The following NRXN3 variants were observed in gnomAD, a reference collection of about 807,000 sequenced individuals.
NRXN3 encodes neurexin III.
NRXN3 carries 32 observed loss-of-function variants against 137.6 expected under a neutral mutation model. The ratio of observed to expected loss-of-function variants is 0.23; its 90% CI spans 0.18 to 0.31. NRXN3 has a LOEUF of 0.31. Among genes scored for constraint, NRXN3 ranks in the 10% least tolerant of loss-of-function variants. The pLI is 1.00. For synonymous variants in NRXN3, 798 were observed against 784.5 expected, an observed-to-expected ratio of 1.02 and a Z score of -0.29; for missense variants, 1,574 against 2,062.5, an observed-to-expected ratio of 0.76 and a Z score of 4.59.
chr14:79,098,953 A>G (rs1261612355), intron 15 of NRXN3, among the ~76,000 whole-genome samples: 1 of 152,188 alleles, frequency 6.6e-6, no homozygotes, highest in Non-Finnish European at 1.5e-5. Flanking sequence ...TTAAAATTGG[A>G]TACATAGTCA....
chr14:79,185,928 G>T (rs1161437314), intron 15 of NRXN3, among the ~76,000 whole-genome samples: 1 of 151,962 alleles, frequency 6.6e-6, no homozygotes, highest in Non-Finnish European at 1.5e-5. Flanking sequence ...ACTTCTCTAG[G>T]TTTTCTAGCT....
intron 19 of NRXN3, among the ~76,000 whole-genome samples, chr14:79,796,444 CTCTCT>C (rs1343138692): frequency 6.6e-6 from 1 of 152,134 alleles, no homozygotes; most frequent in Admixed American, 6.6e-5. Context: ...TTTCCACCCA[CTCTCT>C]TCTCCTTCCT....
At chr14:78,762,357 G>A (rs1334396739) in intron 8 of NRXN3, among the ~76,000 whole-genome samples, 2 of 152,134 alleles carry the variant, frequency 1.3e-5, no homozygotes, top group African/African-American at 2.4e-5. Context: ...TATGGGAGAC[G>A]GAGTTAGGTA....
At chr14:78,967,972 A>T (rs1025060587) in intron 13 of NRXN3, among the ~76,000 whole-genome samples, 1 of 151,802 alleles carries the variant, frequency 6.6e-6, no homozygotes, top group Non-Finnish European at 1.5e-5. Flanking sequence ...GTATATATAA[A>T]ATGAATGACA....
chr14:78,991,389 G>A (rs929095420), intron 15 of NRXN3, among the ~76,000 whole-genome samples: 2 of 152,130 alleles, frequency 1.3e-5, no homozygotes, highest in African/African-American at 4.8e-5. Flanking sequence ...GTTGCATATA[G>A]CTCAAACAAA....
chr14:79,168,767 A>G (rs2061511878), intron 15 of NRXN3, among the ~76,000 whole-genome samples: 1 of 151,950 alleles, frequency 6.6e-6, no homozygotes, highest in South Asian at 2.1e-4. Context: ...AGTCAGTTCC[A>G]AGTCTTTCCT....
At chr14:79,140,118 A>G (rs1302224807) in intron 15 of NRXN3, among the ~76,000 whole-genome samples, 1 of 152,116 alleles carries the variant, frequency 6.6e-6, no homozygotes, top group Non-Finnish European at 1.5e-5. Flanking sequence ...TTCATTATCT[A>G]TTAATTTCTA....
chr14:78,404,649 A>G lies in NRXN3; in HGVS notation c.757+106789A>G, dbSNP rs143796461. ...GTTAGTGATCGGCTTGAGACCAGGGACTGTGCCTCATTCAATTCACTGCTT... is the reference window on the plus strand; with the variant it reads ...GTTAGTGATCGGCTTGAGACCAGGGGCTGTGCCTCATTCAATTCACTGCTT... On this transcript the variant is annotated intron_variant, in intron 4 of 20. Transcript: ENST00000335750. 7.2e-5 allele frequency among the ~76,000 whole-genome samples: 11 copies of G among 152,266 alleles called. No individual in the cohort carries two copies. In the East Asian group the frequency reaches 2.1e-3, roughly 29 times the overall value.
rs558222497 is a variant in NRXN3 at position 78,709,303 on chromosome 14, T to G, written c.1308T>G (p.Val436=). Reference sequence around the variant, plus strand: ...CCAAGATGAAAATCTATGGCGAAGTTGTGTTTAAGTGTGAGAATGTGGCCA... The same window carrying G: ...CCAAGATGAAAATCTATGGCGAAGTGGTGTTTAAGTGTGAGAATGTGGCCA... The part of the protein sequence containing the change: ...ADTKMKIYGE[V]VFKCENVATL... Residue 436 remains valine, a synonymous_variant, in exon 7 of 21, where the codon GTT becomes GTG. Transcript: ENST00000335750. The G allele has an allele frequency of 4.3e-6, 7 of 1,614,086 alleles. No homozygotes were observed. The South Asian group carries it at 4.4e-5, about 10-fold the overall frequency.
At chr14:78,188,293 A>G (rs1250797710) in intron 1 of NRXN3, among the ~76,000 whole-genome samples, 2 of 152,222 alleles carry the variant, frequency 1.3e-5, no homozygotes, top group African/African-American at 2.4e-5. Context: ...AAGATCCCAC[A>G]GTGTGAGGAG....
At chr14:78,948,834 G>A (rs959163832) in intron 10 of NRXN3, among the ~76,000 whole-genome samples, 2 of 151,980 alleles carry the variant, frequency 1.3e-5, no homozygotes, top group East Asian at 3.9e-4. Flanking sequence ...TTTCAGTCCT[G>A]AGACAGGACA....
chr14:79,458,277 C>A (rs956898456), intron 15 of NRXN3, among the ~76,000 whole-genome samples: 1 of 152,152 alleles, frequency 6.6e-6, no homozygotes. Flanking sequence ...AAAGAAAAAT[C>A]ATTCAAATGT....
intron 10 of NRXN3, among the ~76,000 whole-genome samples, chr14:78,862,103 T>C (rs2099073946): frequency 6.6e-6 from 1 of 152,114 alleles, no homozygotes; most frequent in African/African-American, 2.4e-5. Context: ...CTGAGGAATA[T>C]GAATCAGAAC....
chr14:78,876,637 A>G (rs2099114528), intron 10 of NRXN3, among the ~76,000 whole-genome samples: 1 of 152,184 alleles, frequency 6.6e-6, no homozygotes, highest in Non-Finnish European at 1.5e-5. Context: ...TGTCTTCTTA[A>G]TTAAAGGTTT....
At chr14:78,224,998 C>T (rs2064350108) in intron 1 of NRXN3, among the ~76,000 whole-genome samples, 1 of 152,064 alleles carries the variant, frequency 6.6e-6, no homozygotes, top group African/African-American at 2.4e-5. Flanking sequence ...GATCTCCTGA[C>T]CTCATGATCC....
At chr14:78,236,041 T>C (rs1357319920) in intron 1 of NRXN3, among the ~76,000 whole-genome samples, 1 of 152,236 alleles carries the variant, frequency 6.6e-6, no homozygotes, top group Admixed American at 6.5e-5. Context: ...AATAATTTTC[T>C]TTAAAACCCT....
At chr14:78,755,855 T>C (rs1431781511) in intron 8 of NRXN3, among the ~76,000 whole-genome samples, 1 of 152,244 alleles carries the variant, frequency 6.6e-6, no homozygotes, top group East Asian at 1.9e-4. Context: ...TATGTTTACC[T>C]ATCTGCTGTG....
At chr14:79,542,537 G>C (rs1444840013) in intron 16 of NRXN3, among the ~76,000 whole-genome samples, 2 of 152,128 alleles carry the variant, frequency 1.3e-5, no homozygotes, top group Non-Finnish European at 2.9e-5. Flanking sequence ...CTGGTAAGCT[G>C]TTTCATCTGA....
chr14:79,734,832 T>C (rs561963267), intron 19 of NRXN3, among the ~76,000 whole-genome samples: 9 of 152,146 alleles, frequency 5.9e-5, no homozygotes, highest in Non-Finnish European at 1.3e-4. Context: ...CAATTATAAG[T>C]ACAAGGCATC....
Sources: allele counts gnomAD v4.1 joint callset (sites outside exome capture counted in the v4.1 genomes callset), GRCh38; gene constraint gnomAD v4.1.1; transcripts MANE v1.5; gene names NCBI Gene and HGNC (gene_info 2026-07-23, HGNC 2026-07-21).